The following RAD51B variants were observed in gnomAD, a reference collection of about 807,000 sequenced individuals.
The protein encoded by RAD51B is RAD51 paralog B.
Under a neutral mutation model 42.2 loss-of-function variants are expected in RAD51B, and 38 were observed. The observed-to-expected ratio is 0.90, with a 90% CI of 0.70 to 1.18. The LOEUF (loss-of-function observed/expected upper bound fraction) is 1.18. Ranked by LOEUF, RAD51B falls within the 50% of genes most tolerant of loss-of-function variation. The probability of loss-of-function intolerance (pLI) is 0.00; values close to 1 mark genes in which losing one functional copy is unlikely to be tolerated. For synonymous variants in RAD51B, 154 were observed against 145.2 expected (o/e 1.06, Z -0.43); for missense variants, 373 against 400.7 (o/e 0.93, Z 0.59).
intron 8 of RAD51B, among the ~76,000 whole-genome samples, chr14:68,376,329 C>CCCA (rs2083369721): frequency 6.6e-6 from 1 of 152,160 alleles, no homozygotes; most frequent in African/African-American, 2.4e-5. Flanking sequence ...CAAAAAACAA[C>CCCA]CCACCACCCA....
chr14:67,946,516 C>T (rs1293436623), intron 7 of RAD51B, among the ~76,000 whole-genome samples: 1 of 152,048 alleles, frequency 6.6e-6, no homozygotes, highest in East Asian at 1.9e-4. Flanking sequence ...TACAGGCACT[C>T]GCCACCATGC....
At chr14:68,586,365 C>T (rs1376886352) in intron 10 of RAD51B, among the ~76,000 whole-genome samples, 2 of 152,166 alleles carry the variant, frequency 1.3e-5, no homozygotes, top group Non-Finnish European at 2.9e-5. Flanking sequence ...TATTTTTTAC[C>T]AAGGCGAACA....
At chr14:68,088,624 CAGAGAG>C (rs145869631) in intron 7 of RAD51B, among the ~76,000 whole-genome samples, 6 of 120,890 alleles carry the variant, frequency 5.0e-5, no homozygotes, top group Non-Finnish European at 6.5e-5. Flanking sequence ...GTGTGTGAGA[CAGAGAG>C]AGAGAGAGAG....
chr14:68,663,471 TC>T lies in RAD51B; in HGVS notation c.*11+12616del, dbSNP rs570212207. On this transcript the variant is annotated intron_variant, in intron 11 of 11. Coordinates refer to the RAD51B transcript ENST00000488612. ...GAATGGCTCTCTCCTCCAGATACTT[TC>T]TCTTTCACTTCGCCCCCTTTACCCT... Among the ~76,000 whole-genome samples the T allele has an allele frequency of 2.3e-4, 35 of 152,314 alleles. 1 individual carries two copies. In the South Asian group the frequency reaches 7.0e-3, roughly 31 times the overall value.
chr14:68,078,171 C>T (rs889940131), intron 7 of RAD51B, among the ~76,000 whole-genome samples: 10 of 151,716 alleles, frequency 6.6e-5, no homozygotes, highest in African/African-American at 9.7e-5. Flanking sequence ...TCAATTGAGT[C>T]GCTAGGAAAT....
chr14:67,877,844 T>A (rs2042777350), intron 5 of RAD51B, among the ~76,000 whole-genome samples: 1 of 152,140 alleles, frequency 6.6e-6, no homozygotes, highest in Non-Finnish European at 1.5e-5. Context: ...AAAAATTTTT[T>A]TGTAGAGCTG....
rs1156621815 is a variant in RAD51B, at chr14:68,326,027, C to CTTTTTTTTTTTTTTTTTTTTTTTT, written c.853+34052_853+34053insTTTTTTTTTTTTTTTTTTTTTTTT. On this transcript the variant is annotated intron_variant, in intron 8 of 10. Transcript: ENST00000471583. ...ATACTAATTGAATAATGTTGTTATT[C>CTTTTTTTTTTTTTTTTTTTTTTTT]TTTTTCTTTTCTTTTTTTTTTTTTT... 9.7e-5 allele frequency among the ~76,000 whole-genome samples: 5 copies of CTTTTTTTTTTTTTTTTTTTTTTTT among 51,636 alleles called. 2 individuals are homozygous for CTTTTTTTTTTTTTTTTTTTTTTTT. Among genetic ancestry groups the CTTTTTTTTTTTTTTTTTTTTTTTT allele is most frequent in the Non-Finnish European group, 4.3e-5 (1 of 23,512 alleles). 33.9% of individuals were successfully genotyped at this position (51,636 alleles called of 152,430 possible).
intron 10 of RAD51B, among the ~76,000 whole-genome samples, chr14:68,489,833 A>C (rs375185620): frequency 6.6e-6 from 1 of 152,176 alleles, no homozygotes; most frequent in Admixed American, 6.5e-5. Flanking sequence ...AATTATGATA[A>C]ATTTCAACAT....
intron 7 of RAD51B, among the ~76,000 whole-genome samples, chr14:68,255,943 A>G (rs1167822898): frequency 6.6e-6 from 1 of 152,184 alleles, no homozygotes; most frequent in East Asian, 1.9e-4. Context: ...TGCACCAGTC[A>G]CCTTGGAAAA....
intron 7 of RAD51B, among the ~76,000 whole-genome samples, chr14:68,038,651 A>G (rs899556065): frequency 6.6e-6 from 1 of 152,224 alleles, no homozygotes; most frequent in African/African-American, 2.4e-5. Context: ...TAGAAAACTC[A>G]AAATTGATAT....
chr14:68,345,032 G>A (rs1489569333), intron 8 of RAD51B, among the ~76,000 whole-genome samples: 1 of 151,742 alleles, frequency 6.6e-6, no homozygotes, highest in Non-Finnish European at 1.5e-5. Flanking sequence ...CTTTCTTTTG[G>A]CCAGTTTTTC....
chr14:67,947,952 A>G (rs530293572), intron 7 of RAD51B, among the ~76,000 whole-genome samples: 1 of 152,358 alleles, frequency 6.6e-6, no homozygotes, highest in Admixed American at 6.5e-5. Context: ...TGAGTCAGCA[A>G]AACATTTACA....
intron 5 of RAD51B, among the ~76,000 whole-genome samples, chr14:67,883,651 T>C (rs2042983237): frequency 6.6e-6 from 1 of 152,194 alleles, no homozygotes; most frequent in Non-Finnish European, 1.5e-5. Flanking sequence ...TAGCCCCACC[T>C]GTCACATTCT....
intron 8 of RAD51B, among the ~76,000 whole-genome samples, chr14:68,409,053 A>T (rs2084353312): frequency 6.6e-6 from 1 of 152,100 alleles, no homozygotes; most frequent in South Asian, 2.1e-4. Flanking sequence ...TGGGTGTGGG[A>T]TTTCTTTTTA....
intron 9 of RAD51B, among the ~76,000 whole-genome samples, chr14:68,462,527 C>T (rs1287222747): frequency 2.6e-5 from 4 of 152,170 alleles, no homozygotes; most frequent in Non-Finnish European, 5.9e-5. Flanking sequence ...ATTGGATATA[C>T]CTTAAATGTT....
intron 10 of RAD51B, among the ~76,000 whole-genome samples, chr14:68,551,323 C>G (rs1360742279): frequency 6.6e-6 from 1 of 152,196 alleles, no homozygotes; most frequent in Non-Finnish European, 1.5e-5. Flanking sequence ...GCTCCAGGGC[C>G]CCTTCAGCCC....
At chr14:68,089,154 C>G (rs1365374563) in intron 7 of RAD51B, among the ~76,000 whole-genome samples, 2 of 152,110 alleles carry the variant, frequency 1.3e-5, no homozygotes, top group African/African-American at 4.8e-5. Flanking sequence ...ACCCAATTCT[C>G]TGGAGTATTA....
chr14:68,069,353 G>C (rs900453016), intron 7 of RAD51B, among the ~76,000 whole-genome samples: 35 of 152,070 alleles, frequency 2.3e-4, no homozygotes, highest in African/African-American at 8.2e-4. Context: ...TGTGTCACAG[G>C]GGTTTTGTGT....
At chr14:68,468,746 G>T in intron 10 of RAD51B, 1 of 299,066 alleles carries the variant, frequency 3.3e-6, no homozygotes, top group South Asian at 3.2e-5. Context: ...TTCCTGTCCT[G>T]TCCTGACATG....
Sources: allele counts gnomAD v4.1 joint callset (sites outside exome capture counted in the v4.1 genomes callset), GRCh38; gene constraint gnomAD v4.1.1; transcripts MANE v1.5; gene names NCBI Gene and HGNC (gene_info 2026-07-23, HGNC 2026-07-21).